The following SUCLG2 variants were observed in gnomAD, a reference collection of about 807,000 sequenced individuals.
The protein encoded by SUCLG2 is succinate--CoA ligase [GDP-forming] subunit beta, mitochondrial.
SUCLG2 carries 42 observed loss-of-function variants against 47.9 expected under a neutral mutation model. That is an observed-to-expected ratio of 0.88 (90% CI 0.69 to 1.14). The LOEUF (loss-of-function observed/expected upper bound fraction) is 1.14. SUCLG2 is among the 50% of genes most tolerant of loss of function. The pLI, the probability that SUCLG2 is intolerant of heterozygous loss-of-function variation, is 0.00. For synonymous variants in SUCLG2, 195 were observed against 197.3 expected (o/e 0.99, Z 0.10); for missense variants, 571 against 525.9 (o/e 1.09, Z -0.84).
intron 1 of SUCLG2, among the ~76,000 whole-genome samples, chr3:67,624,216 C>T (rs1700783950): frequency 6.6e-6 from 1 of 152,226 alleles, no homozygotes; most frequent in Admixed American, 6.5e-5. Flanking sequence ...CTAACTCAAT[C>T]TCACAAGTTT....
At chr3:67,408,893 C>G (rs1176043753) in intron 9 of SUCLG2, 3 of 1,494,718 alleles carry the variant, frequency 2.0e-6, no homozygotes, top group African/African-American at 2.8e-5. Context: ...TCCACTCCCT[C>G]TGGCAGTCTC....
At chr3:67,436,200 C>T (rs191904554) in intron 9 of SUCLG2, among the ~76,000 whole-genome samples, 5 of 152,254 alleles carry the variant, frequency 3.3e-5, no homozygotes, top group Admixed American at 3.3e-4. Flanking sequence ...AAGGCTACTG[C>T]TAATAATGAA....
intron 6 of SUCLG2, among the ~76,000 whole-genome samples, chr3:67,516,711 C>G (rs546780043): frequency 2.0e-5 from 3 of 152,246 alleles, no homozygotes; most frequent in Non-Finnish European, 2.9e-5. Context: ...AAGTCCCTGC[C>G]GTGGTAAAGA....
chr3:67,440,467 T>A (rs1268646025), intron 9 of SUCLG2, among the ~76,000 whole-genome samples: 2 of 152,012 alleles, frequency 1.3e-5, no homozygotes, highest in Admixed American at 6.6e-5. Context: ...GGGAGAAAAT[T>A]TTTGCAATCT....
At chr3:67,601,341 T>G (rs143252258) in intron 2 of SUCLG2, among the ~76,000 whole-genome samples, 2 of 152,350 alleles carry the variant, frequency 1.3e-5, no homozygotes, top group East Asian at 3.9e-4. Context: ...TTTACTTTTT[T>G]GTAATTTTCT....
intron 9 of SUCLG2, among the ~76,000 whole-genome samples, chr3:67,404,103 C>T (rs1431797451): frequency 6.6e-6 from 1 of 152,132 alleles, no homozygotes; most frequent in African/African-American, 2.4e-5. Flanking sequence ...CCAGCTGTCT[C>T]GAACTCCTGA....
At chr3:67,528,301 T>G in intron 3 of SUCLG2, 79 bp from the exon 4 acceptor site, 1 of 1,262,890 alleles carries the variant, frequency 7.9e-7, no homozygotes, top group Non-Finnish European at 1.1e-6. Context: ...CAGAGCCTCA[T>G]GTCTACACTG....
chr3:67,495,942 T>C lies in SUCLG2; in HGVS notation c.920-2A>G. ...CCATGGCGAGCCCAGCACCATTCAC[T>C]GTGAAATGCAAATGGGACACAAGAC... On this transcript the variant is annotated splice_acceptor_variant, in intron 8 of 10. Coordinates refer to ENST00000307227, the MANE Select transcript of SUCLG2 (RefSeq NM_003848.4). LOFTEE classifies it high-confidence loss of function. 6.2e-7 allele frequency: 1 copy of C among 1,613,856 alleles called. No individual in the cohort carries two copies. The highest frequency in any genetic ancestry group is 8.5e-7 in the Non-Finnish European group (1 of 1,179,880).
rs192907971 is a variant in SUCLG2, at chr3:67,451,190, T to A, written c.1062+44608A>T. 2.0e-3 allele frequency among the ~76,000 whole-genome samples: 308 copies of A among 152,322 alleles called. 3 individuals carry two copies. The highest frequency in any genetic ancestry group is 0.014 in the Admixed American group (220 of 15,304). The stretch of plus-strand genomic sequence containing the variant: ...TTCTAACACCTTTCACAATTCTAAA[T>A]CTGTAGTTTTGGCTGCTTGAATACA... On this transcript the variant is annotated intron_variant, in intron 9 of 10. Transcript: ENST00000307227.
intron 9 of SUCLG2, among the ~76,000 whole-genome samples, chr3:67,476,767 C>A (rs1158233721): frequency 6.6e-6 from 1 of 152,072 alleles, no homozygotes; most frequent in Non-Finnish European, 1.5e-5. Flanking sequence ...CCAGGCTAGG[C>A]AATTCATTAA....
intron 9 of SUCLG2, among the ~76,000 whole-genome samples, chr3:67,459,581 G>C (rs1488867072): frequency 2.0e-5 from 3 of 152,084 alleles, no homozygotes; most frequent in Admixed American, 6.6e-5. Context: ...AATTTACCAG[G>C]GAAGAACAGA....
At chr3:67,611,854 A>C (rs1032467645) in intron 1 of SUCLG2, among the ~76,000 whole-genome samples, 2 of 152,156 alleles carry the variant, frequency 1.3e-5, no homozygotes, top group Non-Finnish European at 2.9e-5. Context: ...TTCCACACTG[A>C]CTCAAATGAA....
chr3:67,630,177 AAC>A (rs1700902247), intron 1 of SUCLG2, among the ~76,000 whole-genome samples: 1 of 152,200 alleles, frequency 6.6e-6, no homozygotes, highest in Non-Finnish European at 1.5e-5. Context: ...TGAAAAAAAA[AAC>A]TCCTTAATTA....
intron 5 of SUCLG2, among the ~76,000 whole-genome samples, chr3:67,518,994 C>T (rs1056929111): frequency 8.5e-5 from 13 of 152,058 alleles, no homozygotes; most frequent in African/African-American, 3.1e-4. Flanking sequence ...AAACCAATCA[C>T]TGCAGTATGA....
chr3:67,540,821 C>T (rs1028433862), intron 2 of SUCLG2, among the ~76,000 whole-genome samples: 4 of 152,186 alleles, frequency 2.6e-5, no homozygotes, highest in African/African-American at 7.2e-5. Context: ...TGGGGGGTGC[C>T]CCTCTGGGAC....
At chr3:67,388,563 A>G (rs1702308370) in intron 10 of SUCLG2, among the ~76,000 whole-genome samples, 1 of 152,234 alleles carries the variant, frequency 6.6e-6, no homozygotes, top group Non-Finnish European at 1.5e-5. Context: ...GCATTCTGTT[A>G]TAACTGTATT....
intron 2 of SUCLG2, among the ~76,000 whole-genome samples, chr3:67,534,563 G>A (rs951205251): frequency 1.3e-5 from 2 of 151,112 alleles, no homozygotes; most frequent in African/African-American, 4.9e-5. Flanking sequence ...ACATTTTGTT[G>A]GTGATAAAAT....
intron 9 of SUCLG2, among the ~76,000 whole-genome samples, chr3:67,413,676 T>C (rs1321878524): frequency 1.3e-5 from 2 of 152,190 alleles, no homozygotes; most frequent in African/African-American, 4.8e-5. Context: ...GGAAGGAAAC[T>C]AAAGCTCTCA....
chr3:67,402,358 A>G (rs753699782), intron 9 of SUCLG2, among the ~76,000 whole-genome samples: 2 of 152,220 alleles, frequency 1.3e-5, no homozygotes, highest in Admixed American at 6.5e-5. Flanking sequence ...GTTGAATTCA[A>G]ATATAATGGA....
Sources: allele counts gnomAD v4.1 joint callset (sites outside exome capture counted in the v4.1 genomes callset), GRCh38; gene constraint gnomAD v4.1.1; transcripts MANE v1.5; gene names NCBI Gene and HGNC (gene_info 2026-07-23, HGNC 2026-07-21).